The following PARD3B variants were observed in gnomAD, a reference collection of about 807,000 sequenced individuals.
The protein encoded by PARD3B is par-3 family cell polarity regulator beta.
Under a neutral mutation model 130.2 loss-of-function variants are expected in PARD3B, and 103 were observed. The ratio of observed to expected loss-of-function variants is 0.79; its 90% CI spans 0.67 to 0.93. The LOEUF is 0.93. Ranked by LOEUF, PARD3B falls within the 40% of genes least tolerant of loss-of-function variation. PARD3B has a pLI of 0.00. For synonymous variants in PARD3B, 583 were observed against 553.2 expected (o/e 1.05, Z -0.76); for missense variants, 1,609 against 1,499.2 (o/e 1.07, Z -1.21).
chr2:205,469,597 G>A (rs912245804), intron 20 of PARD3B, among the ~76,000 whole-genome samples: 1 of 152,146 alleles, frequency 6.6e-6, no homozygotes, highest in Non-Finnish European at 1.5e-5. Context: ...AGAAACTATA[G>A]TCAGCCTAAT....
intron 2 of PARD3B, among the ~76,000 whole-genome samples, chr2:204,702,261 AT>A (rs1261758058): frequency 6.6e-6 from 1 of 152,128 alleles, no homozygotes; most frequent in Non-Finnish European, 1.5e-5. Flanking sequence ...TATGTACCCA[AT>A]AGTGGGATTG....
At chr2:204,942,283 G>A (rs1002114238) in intron 2 of PARD3B, among the ~76,000 whole-genome samples, 1 of 152,100 alleles carries the variant, frequency 6.6e-6, no homozygotes, top group South Asian at 2.1e-4. Flanking sequence ...TGTTTTTATA[G>A]TAACGCTTCA....
chr2:205,152,686 G>A (rs545702820), intron 10 of PARD3B, among the ~76,000 whole-genome samples: 3 of 152,072 alleles, frequency 2.0e-5, no homozygotes, highest in East Asian at 1.9e-4. Flanking sequence ...TAGCTTCCTC[G>A]CAATGGGTTC....
chr2:205,521,075 T>TGTTAA (rs1199413284), intron 21 of PARD3B, among the ~76,000 whole-genome samples: 1 of 151,608 alleles, frequency 6.6e-6, no homozygotes, highest in African/African-American at 2.4e-5. Context: ...CTATGAAAGT[T>TGTTAA]GTTAAGTTTA....
At chr2:204,553,627 T>C (rs1281849357) in intron 1 of PARD3B, among the ~76,000 whole-genome samples, 1 of 137,786 alleles carries the variant, frequency 7.3e-6, no homozygotes, top group Non-Finnish European at 1.5e-5. Context: ...TATACATATA[T>C]ATGGATATAT....
chr2:205,448,502 C>A (rs1182190496), intron 20 of PARD3B, among the ~76,000 whole-genome samples: 1 of 152,124 alleles, frequency 6.6e-6, no homozygotes, highest in Non-Finnish European at 1.5e-5. Flanking sequence ...GTGGGATAGT[C>A]TCTTTATCCA....
At chr2:205,155,523 AT>A (rs1444393688) in intron 10 of PARD3B, among the ~76,000 whole-genome samples, 1 of 152,224 alleles carries the variant, frequency 6.6e-6, no homozygotes, top group Non-Finnish European at 1.5e-5. Context: ...TTTAAAAAAA[AT>A]GAAAATAAAA....
At chr2:205,434,624 G>A (rs1323353435) in intron 19 of PARD3B, among the ~76,000 whole-genome samples, 2 of 152,106 alleles carry the variant, frequency 1.3e-5, no homozygotes, top group African/African-American at 4.8e-5. Context: ...AATAAGTTAA[G>A]TCCTTATGCC....
intron 2 of PARD3B, among the ~76,000 whole-genome samples, chr2:204,902,922 G>A (rs936352231): frequency 6.6e-6 from 1 of 152,110 alleles, no homozygotes; most frequent in Admixed American, 6.6e-5. Flanking sequence ...GCTGGTCACT[G>A]CCTAAATGTC....
intron 2 of PARD3B, among the ~76,000 whole-genome samples, chr2:204,923,141 T>C (rs2047748168): frequency 6.6e-6 from 1 of 152,108 alleles, no homozygotes. Context: ...CAACCCATTA[T>C]TAATTATATC....
At chr2:205,570,047 T>C (rs1417572192) in intron 22 of PARD3B, among the ~76,000 whole-genome samples, 3 of 152,132 alleles carry the variant, frequency 2.0e-5, no homozygotes, top group Non-Finnish European at 4.4e-5. Context: ...ATTTCTATGA[T>C]AAAAAGATGC....
At chr2:205,059,197 C>A (rs771850411) in intron 4 of PARD3B, among the ~76,000 whole-genome samples, 5 of 151,970 alleles carry the variant, frequency 3.3e-5, no homozygotes, top group Non-Finnish European at 5.9e-5. Context: ...ATTCTTTCCC[C>A]CATTGAATGG....
chr2:205,031,850 G>A (rs936387412), intron 3 of PARD3B, among the ~76,000 whole-genome samples: 53 of 152,018 alleles, frequency 3.5e-4, no homozygotes, highest in African/African-American at 1.2e-3. Flanking sequence ...AAGCTTTCTC[G>A]TTCTGATAAT....
rs546531676 is a variant in PARD3B at position 205,463,461 on chromosome 2, C to G, written c.3044+22789C>G. Among the ~76,000 whole-genome samples the G allele has an allele frequency of 7.4e-5, 11 of 149,486 alleles. 1 individual carries two copies. In the South Asian group the frequency reaches 2.3e-3, roughly 32 times the overall value. ...TTTAAAAAAAAAAAAAAAAAAAAAC[C>G]TGTCATTTAATTTTAAATGCTAATA... On this transcript the variant is annotated intron_variant, in intron 20 of 22. Coordinates refer to ENST00000406610, the MANE Select transcript of PARD3B (RefSeq NM_001302769.2). The surrounding 1 kb of genome is among the most constrained non-coding windows in gnomAD (Gnocchi z 4.8).
chr2:205,573,304 G>T (rs1192286812), intron 22 of PARD3B, among the ~76,000 whole-genome samples: 1 of 152,160 alleles, frequency 6.6e-6, no homozygotes, highest in East Asian at 1.9e-4. Flanking sequence ...TTAGATGTGG[G>T]CATCAAGAGA....
At chr2:205,315,715 A>C (rs1467410346) in intron 18 of PARD3B, among the ~76,000 whole-genome samples, 1 of 151,796 alleles carries the variant, frequency 6.6e-6, no homozygotes, top group African/African-American at 2.4e-5. Context: ...CAGATTATTC[A>C]CTCTTACTCT....
At chr2:205,524,607 G>C (rs1389652258) in intron 21 of PARD3B, among the ~76,000 whole-genome samples, 2 of 152,184 alleles carry the variant, frequency 1.3e-5, no homozygotes, top group Non-Finnish European at 2.9e-5. Flanking sequence ...AATTAGAAGA[G>C]AGAGCACTTT....
At chr2:205,072,225 A>T (rs1271695777) in intron 4 of PARD3B, among the ~76,000 whole-genome samples, 1 of 146,294 alleles carries the variant, frequency 6.8e-6, no homozygotes, top group African/African-American at 2.6e-5. Flanking sequence ...CTTCATAATT[A>T]AAATAATTCA....
intron 3 of PARD3B, among the ~76,000 whole-genome samples, chr2:205,031,838 A>G (rs544397166): frequency 9.2e-5 from 14 of 152,300 alleles, no homozygotes; most frequent in African/African-American, 3.4e-4. Context: ...AAAAAATAAA[A>G]TAAGCTTTCT....
Sources: allele counts gnomAD v4.1 joint callset (sites outside exome capture counted in the v4.1 genomes callset), GRCh38; gene constraint gnomAD v4.1.1; non-coding constraint Gnocchi (gnomAD v3.1); transcripts MANE v1.5; gene names NCBI Gene and HGNC (gene_info 2026-07-23, HGNC 2026-07-21).